The following ANGPTL2 variants were observed in gnomAD, a reference collection of about 807,000 sequenced individuals.
ANGPTL2 encodes angiopoietin-related protein 2.
In ANGPTL2, 25 loss-of-function variants were observed where a neutral mutation model predicts 52.8. That is an observed-to-expected ratio of 0.47 (90% CI 0.35 to 0.66). The LOEUF (loss-of-function observed/expected upper bound fraction) is 0.66, where lower values mean the gene tolerates loss of function less well. ANGPTL2 is among the 30% of genes least tolerant of loss of function. The pLI, the probability that ANGPTL2 is intolerant of heterozygous loss-of-function variation, is 0.01. For synonymous variants in ANGPTL2, 276 were observed against 277.4 expected (o/e 1.00, Z 0.05); for missense variants, 546 against 656.9 (o/e 0.83, Z 1.84).
chr9:127,093,499 A>C (rs1268276390), intron 3 of ANGPTL2, among the ~76,000 whole-genome samples: 1 of 152,200 alleles, frequency 6.6e-6, no homozygotes, highest in Non-Finnish European at 1.5e-5. Flanking sequence ...CTTGTCCTGC[A>C]GCAGTTTCTA....
At chr9:127,111,507 G>T (rs1564601763) in intron 1 of ANGPTL2, among the ~76,000 whole-genome samples, 1 of 152,228 alleles carries the variant, frequency 6.6e-6, no homozygotes, top group Non-Finnish European at 1.5e-5. Context: ...CTGCTGAGCA[G>T]CTGGGAGTGC....
At chr9:127,118,568 C>A (rs6478763) in intron 1 of ANGPTL2, among the ~76,000 whole-genome samples, 12,672 of 152,250 alleles carry the variant, frequency 0.083, 1,747 homozygotes, top group African/African-American at 0.29. Flanking sequence ...CATGGAGAGA[C>A]CGTGGGAGAG....
intron 3 of ANGPTL2, among the ~76,000 whole-genome samples, chr9:127,093,347 C>T (rs911104351): frequency 2.0e-5 from 3 of 152,190 alleles, no homozygotes; most frequent in Non-Finnish European, 4.4e-5. Context: ...TTGGGACTTG[C>T]GCCTTCTGGG....
Position 127,103,457 on chromosome 9 carries a change from C to T in ANGPTL2, c.817+4458G>A, listed in dbSNP as rs918728003. On this transcript the variant is annotated intron_variant, in intron 2 of 4. Transcript: ENST00000373425. ...CTAACATTTAAAGAAATCAGAACTT[C>T]ACACTTAGCTATATGTTGAAAGACT... 1.5e-4 allele frequency among the ~76,000 whole-genome samples: 23 copies of T among 152,240 alleles called. 1 individual carries two copies. The highest frequency in any genetic ancestry group is 5.3e-4 in the African/African-American group (22 of 41,464).
At position 127,091,295 on chromosome 9, in the gene ANGPTL2, T is replaced by A. The variant is rs1370451018; in HGVS notation, c.1282+375A>T. ...GGGCCAGCACTGGAGCCCAGGTGTG[T>A]GGCCCAGAGCCTACGCAGTTGGTTA... On this transcript the variant is annotated intron_variant, in intron 4 of 4. Transcript: ENST00000373425. This position sits in a 1 kb window ranked among gnomAD's most constrained non-coding sequence, Gnocchi z 4.3. Among the ~76,000 whole-genome samples the A allele has an allele frequency of 6.6e-6, 1 of 152,226 alleles. No individual in the cohort carries two copies. Among genetic ancestry groups the A allele is most frequent in the African/African-American group, 2.4e-5 (1 of 41,458 alleles).
intron 2 of ANGPTL2, among the ~76,000 whole-genome samples, chr9:127,099,897 A>G (rs73595413): frequency 0.016 from 2,475 of 152,344 alleles, 77 homozygotes; most frequent in African/African-American, 0.056. Flanking sequence ...AACGATGGGC[A>G]TGGTGCCTGG....
At chr9:127,121,743 C>T (rs906846557) in intron 1 of ANGPTL2, among the ~76,000 whole-genome samples, 3 of 152,224 alleles carry the variant, frequency 2.0e-5, no homozygotes, top group African/African-American at 4.8e-5. Context: ...CTGGGTGATG[C>T]GTCCGTTCCC....
intron 1 of ANGPTL2, among the ~76,000 whole-genome samples, chr9:127,113,320 GCTTCT>G (rs1484774217): frequency 3.3e-5 from 5 of 152,128 alleles, no homozygotes; most frequent in Non-Finnish European, 1.5e-5. Context: ...TGCTCCTTGG[GCTTCT>G]CTTTGAGCCT....
At chr9:127,089,202 C>A in intron 4 of ANGPTL2, 64 bp from the exon 5 acceptor site, 1 of 1,562,470 alleles carries the variant, frequency 6.4e-7, no homozygotes, top group Non-Finnish European at 8.8e-7. Flanking sequence ...GTCCATAGTG[C>A]TCAGGGCTTT....
At chr9:127,096,551 C>T (rs569208849) in intron 2 of ANGPTL2, among the ~76,000 whole-genome samples, 1 of 152,218 alleles carries the variant, frequency 6.6e-6, no homozygotes, top group African/African-American at 2.4e-5. Context: ...TGGCAGTTGG[C>T]CTCGTGGCTC....
Position 127,091,570 on chromosome 9 carries a change from C to T in ANGPTL2, c.1282+100G>A. The T allele has an allele frequency of 6.7e-7, 1 of 1,493,380 alleles. No homozygotes were observed. The highest frequency in any genetic ancestry group is 1.3e-5 in the South Asian group (1 of 76,032). The allele number at this position is 1,493,380 out of a possible 1,614,324, so 92.5% of individuals were successfully genotyped here. ...GCAGCTTGGCCCAGCTGCTTCTCAC[C>T]CTGGGATCTTCCCGTTTCCAAGCCC... On this transcript the variant is annotated intron_variant, in intron 4 of 4. Coordinates refer to ENST00000373425, the MANE Select transcript of ANGPTL2 (RefSeq NM_012098.3). This position sits in a 1 kb window ranked among gnomAD's most constrained non-coding sequence, Gnocchi z 4.3.
chr9:127,090,156 C>A (rs2052292322), intron 4 of ANGPTL2, among the ~76,000 whole-genome samples: 1 of 152,170 alleles, frequency 6.6e-6, no homozygotes, highest in African/African-American at 2.4e-5. Flanking sequence ...CAGGGAGATC[C>A]TTGGGCACGC....
Position 127,108,576 on chromosome 9 carries a change from G to A in ANGPTL2, c.156C>T (p.Asp52=), listed in dbSNP as rs750317653. The change falls in exon 2 of 5, where the codon GAC becomes GAT. Residue 52 remains aspartate (D), a synonymous_variant. Coordinates refer to ENST00000373425, the MANE Select transcript of ANGPTL2 (RefSeq NM_012098.3). ...NRYKRAGESQ[D]KCTYTFIVPQ... is the part of the protein sequence containing the mutation. Reference sequence around the variant, plus strand: ...GCACAATGAAGGTGTAGGTGCACTTGTCCTGGGACTCGCCCGCCCGCTTGT... The same window carrying A: ...GCACAATGAAGGTGTAGGTGCACTTATCCTGGGACTCGCCCGCCCGCTTGT... The A allele has an allele frequency of 6.2e-7, 1 of 1,613,556 alleles. No homozygotes were observed. The highest frequency in any genetic ancestry group is 1.7e-5 in the Admixed American group (1 of 59,966).
In ANGPTL2 at chr9:127,088,235, A is replaced by G. The variant is rs1338390477; in HGVS notation, c.*704T>C. ...ATGGTGAAAAGTCCTGAGAATGGGG[A>G]AAAGTATGAAAATGTGGGGGGAGGG... On this transcript the variant is annotated 3_prime_UTR_variant, in exon 5 of 5. Coordinates refer to ENST00000373425, the MANE Select transcript of ANGPTL2 (RefSeq NM_012098.3). 6.6e-6 allele frequency: 1 copy of G among 152,268 alleles called. No homozygotes were observed. The highest frequency in any genetic ancestry group is 1.5e-5 in the Non-Finnish European group (1 of 68,100). 9.4% of individuals were successfully genotyped at this position (152,268 alleles called of 1,614,324 possible). A position where few individuals can be genotyped will look rare whatever the true frequency, so the allele number is the denominator to read the frequency against.
At chr9:127,121,855 C>T (rs971791510) in intron 1 of ANGPTL2, among the ~76,000 whole-genome samples, 18 of 152,200 alleles carry the variant, frequency 1.2e-4, no homozygotes, top group African/African-American at 3.9e-4. Context: ...CTCAGCACAG[C>T]GCTTGCCTTT....
chr9:127,111,191 G>A (rs1030971695), intron 1 of ANGPTL2, among the ~76,000 whole-genome samples: 3 of 151,976 alleles, frequency 2.0e-5, no homozygotes, highest in African/African-American at 7.3e-5. Context: ...TATACTTGCT[G>A]GTCCCTGCCC....
chr9:127,108,037 C>G lies in ANGPTL2; in HGVS notation c.695G>C (p.Arg232Pro), dbSNP rs199872129. The G allele has an allele frequency of 1.4e-6, 2 of 1,474,564 alleles. No individual in the cohort carries two copies. The highest frequency in any genetic ancestry group is 1.8e-6 in the Non-Finnish European group (2 of 1,099,586). 91.3% of individuals were successfully genotyped at this position (1,474,564 alleles called of 1,614,324 possible). ...GTTGGTAGAGATCTGGTTGATGATG[C>G]GGTTGTAGGTGGGTGGTTGGTAGAC... ...PRVYQPPTYN[R>P]IINQISTNEI... Residue 232 changes from arginine (R) to proline (P), a missense_variant, in exon 2 of 5, where the codon CGC becomes CCC. By Grantham distance (103) the Arg-to-Pro change is moderately radical. This residue lies in a region of ANGPTL2 where 261 missense variants were observed against 361.0 expected (regional missense o/e 0.72). Transcript: ENST00000373425.
chr9:127,103,468 A>G (rs2053928719), intron 2 of ANGPTL2, among the ~76,000 whole-genome samples: 1 of 152,234 alleles, frequency 6.6e-6, no homozygotes, highest in Admixed American at 6.5e-5. Context: ...ACACTTAGCT[A>G]TATGTTGAAA....
At position 127,093,853 on chromosome 9, in the gene ANGPTL2, C is replaced by T. The variant is rs777951105; in HGVS notation, c.891G>A (p.Glu297=). Residue 297 remains glutamate, a synonymous_variant, in exon 3 of 5, where the codon GAG becomes GAA. Coordinates refer to ENST00000373425, the MANE Select transcript of ANGPTL2 (RefSeq NM_012098.3). ...DTSSIYLVKP[E]NTNRLMQVWC... ...ACACCTGCATGAGGCGGTTGGTGTT[C>T]TCCGGCTTCACCAGGTAGATGGAGC... 6.2e-7 allele frequency: 1 copy of T among 1,614,100 alleles called. No individual in the cohort carries two copies. The highest frequency in any genetic ancestry group is 1.3e-5 in the African/African-American group (1 of 75,018).
Sources: allele counts gnomAD v4.1 joint callset (sites outside exome capture counted in the v4.1 genomes callset), GRCh38; gene constraint gnomAD v4.1.1; regional missense constraint gnomAD v4.1.1; non-coding constraint Gnocchi (gnomAD v3.1); transcripts MANE v1.5; gene names NCBI Gene and HGNC (gene_info 2026-07-23, HGNC 2026-07-21).